The following SVIL variants were observed in gnomAD, a reference collection of about 807,000 sequenced individuals.
The protein encoded by SVIL is archvillin.
SVIL carries 101 observed loss-of-function variants against 240.4 expected under a neutral mutation model. The observed-to-expected ratio is 0.42, with a 90% CI of 0.36 to 0.50. The LOEUF is 0.50. SVIL is among the 20% of genes least tolerant of loss of function. SVIL has a pLI of 0.01. For synonymous variants in SVIL, 999 were observed against 1,100.0 expected, an observed-to-expected ratio of 0.91 and a Z score of 1.82; for missense variants, 2,512 against 2,818.7, an observed-to-expected ratio of 0.89 and a Z score of 2.46.
chr10:29,647,940 T>C (rs1413300592), intron 3 of SVIL, among the ~76,000 whole-genome samples: 2 of 149,658 alleles, frequency 1.3e-5, no homozygotes, highest in Non-Finnish European at 3.0e-5. Flanking sequence ...AGTGGCATTT[T>C]TAATTGAAAT....
At chr10:29,529,175 C>CAAAAAAAA (rs66523560) in intron 12 of SVIL, among the ~76,000 whole-genome samples, 1,080 of 65,468 alleles carry the variant, frequency 0.016, no homozygotes, top group Middle Eastern at 0.034. Flanking sequence ...GACTCTCTCT[C>CAAAAAAAA]AAAAAAAAAA....
chr10:29,645,883 A>G (rs1333253586), intron 3 of SVIL, among the ~76,000 whole-genome samples: 1 of 152,234 alleles, frequency 6.6e-6, no homozygotes, highest in Non-Finnish European at 1.5e-5. Flanking sequence ...TGCAAGTTGC[A>G]TCAAAGGGAA....
intron 1 of SVIL, among the ~76,000 whole-genome samples, chr10:29,583,529 G>A (rs1956036342): frequency 1.3e-5 from 2 of 151,984 alleles, no homozygotes; most frequent in South Asian, 4.2e-4. Flanking sequence ...CAAACTCCTG[G>A]GCTCAAGCAA....
At chr10:29,525,391 AT>A (rs1257603708) in intron 13 of SVIL, among the ~76,000 whole-genome samples, 1 of 152,166 alleles carries the variant, frequency 6.6e-6, no homozygotes, top group Non-Finnish European at 1.5e-5. Flanking sequence ...AGGCAAGAGG[AT>A]CACTTGAATT....
At chr10:29,714,021 T>C (rs962673666) in intron 1 of SVIL, among the ~76,000 whole-genome samples, 6 of 152,094 alleles carry the variant, frequency 3.9e-5, no homozygotes, top group African/African-American at 1.4e-4. Flanking sequence ...GGGCCACTAG[T>C]GTTGGGTGGG....
intron 1 of SVIL, among the ~76,000 whole-genome samples, chr10:29,715,115 GAATAT>G (rs1963540022): frequency 6.6e-6 from 1 of 152,024 alleles, no homozygotes; most frequent in African/African-American, 2.4e-5. Context: ...AAAACGGTCA[GAATAT>G]AAATTGAACT....
chr10:29,530,558 T>C (rs1190813869), intron 11 of SVIL, 49 bp downstream of exon 11: 2 of 1,607,784 alleles, frequency 1.2e-6, no homozygotes, highest in African/African-American at 2.7e-5. Context: ...ATAGCTGGGA[T>C]TACTGCACCC....
rs376322653 is a variant in SVIL at position 29,493,243 on chromosome 10, G to A, written c.3990C>T (p.Phe1330=). 3.1e-6 allele frequency: 5 copies of A among 1,614,062 alleles called. No homozygotes were observed. Among genetic ancestry groups the A allele is most frequent in the South Asian group, 1.1e-5 (1 of 91,062 alleles). The change falls in exon 21 of 38, where the codon TTC becomes TTT. Residue 1330 remains phenylalanine, a synonymous_variant. Coordinates refer to ENST00000355867, the MANE Select transcript of SVIL (RefSeq NM_021738.3). ...PRSPVEMDED[F]DVIFDPYAPK... ...GTGCATAAGGATCGAAAATGACATC[G>A]AAGTCCTCATCCATCTCCACAGGAC...
intron 1 of SVIL, among the ~76,000 whole-genome samples, chr10:29,700,362 C>T (rs2132641517): frequency 6.6e-6 from 1 of 152,272 alleles, no homozygotes; most frequent in Admixed American, 6.5e-5. Context: ...CAAAATCTTT[C>T]CACCCACTAC....
chr10:29,568,129 C>T (rs1232014769), intron 2 of SVIL, among the ~76,000 whole-genome samples: 10 of 152,082 alleles, frequency 6.6e-5, no homozygotes, highest in Non-Finnish European at 1.0e-4. Flanking sequence ...AGTGACGTTT[C>T]GTGAGTCAGT....
chr10:29,488,052 A>C (rs1273538293), intron 23 of SVIL, among the ~76,000 whole-genome samples: 1 of 152,128 alleles, frequency 6.6e-6, no homozygotes, highest in Non-Finnish European at 1.5e-5. Context: ...CATGGCCCAG[A>C]GACGCCCTGG....
intron 17 of SVIL, among the ~76,000 whole-genome samples, chr10:29,511,910 T>C (rs995992853): frequency 3.3e-5 from 5 of 152,346 alleles, no homozygotes; most frequent in African/African-American, 9.6e-5. Flanking sequence ...GCTTAACTTA[T>C]TTTAGAGCTA....
chr10:29,725,028 CAAA>C (rs1187861054), intron 1 of SVIL, among the ~76,000 whole-genome samples: 4 of 40,940 alleles, frequency 9.8e-5, no homozygotes, highest in South Asian at 2.7e-3. Flanking sequence ...GACCCGGTCT[CAAA>C]AAAAAAAAAA....
intron 1 of SVIL, among the ~76,000 whole-genome samples, chr10:29,578,239 A>G (rs1955788425): frequency 6.6e-6 from 1 of 152,220 alleles, no homozygotes; most frequent in African/African-American, 2.4e-5. Context: ...TGTTTTCCAA[A>G]GTAACTTCTC....
chr10:29,549,004 A>G (rs1441286612), intron 6 of SVIL, among the ~76,000 whole-genome samples: 1 of 152,094 alleles, frequency 6.6e-6, no homozygotes, highest in Non-Finnish European at 1.5e-5. Flanking sequence ...ACAAAAGCCA[A>G]AATTGACAAA....
chr10:29,694,204 G>A (rs1286155267), intron 1 of SVIL, among the ~76,000 whole-genome samples: 3 of 149,056 alleles, frequency 2.0e-5, no homozygotes, highest in Non-Finnish European at 4.4e-5. Context: ...AAGCAGCCTG[G>A]GCAACAGAGC....
Position 29,458,207 on chromosome 10 carries a change from T to C in SVIL, c.*40A>G. On this transcript the variant is annotated 3_prime_UTR_variant, in exon 38 of 38. Transcript: ENST00000355867. ...ATCCATTTCCCTGGTGCAGTGGTGT[T>C]GTTGGACGTGACCGTGAGGCTCCTC... 1 of 1,594,688 alleles carries C rather than the reference T, an allele frequency of 6.3e-7. No homozygotes were observed. Among genetic ancestry groups the C allele is most frequent in the Non-Finnish European group, 8.6e-7 (1 of 1,163,934 alleles).
intron 17 of SVIL, among the ~76,000 whole-genome samples, chr10:29,505,581 T>A (rs1223083774): frequency 2.6e-5 from 4 of 152,150 alleles, no homozygotes; most frequent in African/African-American, 9.7e-5. Context: ...AACGATTCTG[T>A]ATGATAGTGT....
chr10:29,466,301 C>A (rs1944919028), intron 33 of SVIL, among the ~76,000 whole-genome samples: 1 of 151,668 alleles, frequency 6.6e-6, no homozygotes, highest in East Asian at 1.9e-4. Context: ...TATAAATATA[C>A]ATCTATATGT....
Sources: allele counts gnomAD v4.1 joint callset (sites outside exome capture counted in the v4.1 genomes callset), GRCh38; gene constraint gnomAD v4.1.1; transcripts MANE v1.5; gene names NCBI Gene and HGNC (gene_info 2026-07-23, HGNC 2026-07-21).